Variants in STK32B observed in about 807,000 individuals in gnomAD.
STK32B encodes the protein serine/threonine-protein kinase 32B.
A neutral mutation model predicts 52.6 loss-of-function variants in STK32B; 43 were observed. The ratio of observed to expected loss-of-function variants is 0.82; its 90% CI spans 0.64 to 1.05. The LOEUF (loss-of-function observed/expected upper bound fraction) is 1.05, where lower values mean the gene tolerates loss of function less well. Ranked by LOEUF, STK32B falls within the 50% of genes least tolerant of loss-of-function variation. The probability of loss-of-function intolerance (pLI) is 0.00; values close to 1 mark genes in which losing one functional copy is unlikely to be tolerated. For synonymous variants in STK32B, 238 were observed against 204.3 expected (o/e 1.17, Z -1.41); for missense variants, 621 against 534.6 (o/e 1.16, Z -1.59).
intron 3 of STK32B, among the ~76,000 whole-genome samples, chr4:5,299,746 C>T (rs897902772): frequency 1.3e-5 from 2 of 152,012 alleles, no homozygotes; most frequent in African/African-American, 4.8e-5. Flanking sequence ...TTTAGTTATC[C>T]ATTCTTTTTT....
chr4:5,249,505 C>CCTTCCTT (rs1725760881), intron 3 of STK32B, among the ~76,000 whole-genome samples: 1 of 115,994 alleles, frequency 8.6e-6, no homozygotes, highest in African/African-American at 3.9e-5. Context: ...CTTCCTTCCT[C>CCTTCCTT]CCTCCCTTCC....
chr4:5,175,784 A>T (rs1451826370), intron 3 of STK32B, among the ~76,000 whole-genome samples: 1 of 152,182 alleles, frequency 6.6e-6, no homozygotes, highest in East Asian at 1.9e-4. Context: ...GCCTGTGCTC[A>T]TATCTCCAGC....
chr4:5,486,413 C>T lies in STK32B; in HGVS notation c.1107-12532C>T, dbSNP rs543229447. ...GGCGCGGGATGTAATTGCTGGTGTG[C>T]CGTTTGCTAAGACCGTTGTAAAAGC... On this transcript the variant is annotated intron_variant, in intron 11 of 11. Coordinates refer to ENST00000282908, the MANE Select transcript of STK32B (RefSeq NM_018401.3). Among the ~76,000 whole-genome samples the T allele has an allele frequency of 1.3e-4, 20 of 152,308 alleles. 1 individual carries two copies. In the South Asian group the frequency reaches 4.1e-3, roughly 32 times the overall value.
Position 5,412,445 on chromosome 4 carries a change from G to A in STK32B, c.473-4400G>A, listed in dbSNP as rs182750044. ...GAAGTGGAATCCTGCTGTCTGTCGTGCAGGGTGTTGCCCACTGTACCTGAA... is the reference window on the plus strand; with the variant it reads ...GAAGTGGAATCCTGCTGTCTGTCGTACAGGGTGTTGCCCACTGTACCTGAA... On this transcript the variant is annotated intron_variant, in intron 5 of 11. Coordinates refer to ENST00000282908, the MANE Select transcript of STK32B (RefSeq NM_018401.3). 3.1e-4 allele frequency among the ~76,000 whole-genome samples: 47 copies of A among 152,298 alleles called. No individual in the cohort carries two copies. In the East Asian group the frequency reaches 3.5e-3, roughly 11 times the overall value.
intron 4 of STK32B, among the ~76,000 whole-genome samples, chr4:5,367,252 A>G (rs953068652): frequency 2.0e-5 from 3 of 152,136 alleles, no homozygotes; most frequent in African/African-American, 4.8e-5. Flanking sequence ...TGGAAATACC[A>G]CAGGGCAGCT....
chr4:5,155,019 CCT>C (rs1194837731), intron 2 of STK32B, among the ~76,000 whole-genome samples: 16 of 152,318 alleles, frequency 1.1e-4, no homozygotes, highest in Non-Finnish European at 2.9e-5. Context: ...TGCTTTCTAT[CCT>C]CTCTGTCTTC....
the STK32B span, among the ~76,000 whole-genome samples, chr4:5,028,714 T>A: frequency 6.6e-6 from 1 of 152,024 alleles, no homozygotes; most frequent in Non-Finnish European, 1.5e-5. Context: ...GGACTAGGAG[T>A]TGTTTGTTAC....
the STK32B span, among the ~76,000 whole-genome samples, chr4:5,045,268 C>T: frequency 6.6e-6 from 1 of 152,238 alleles, no homozygotes; most frequent in Non-Finnish European, 1.5e-5. Context: ...ATTCTAGCCT[C>T]TGTGGCCCCC....
intron 1 of STK32B, 92 bp downstream of exon 1, chr4:5,052,007 C>G: frequency 6.5e-7 from 1 of 1,529,644 alleles, no homozygotes; most frequent in Non-Finnish European, 8.8e-7. Flanking sequence ...CGCATGCTGC[C>G]CGGCGCGGGG....
Position 5,051,609 on chromosome 4 carries a change from G to T in STK32B, c.-255G>T. On this transcript the variant is annotated 5_prime_UTR_variant, in exon 1 of 12. Coordinates refer to ENST00000282908, the MANE Select transcript of STK32B (RefSeq NM_018401.3). The stretch of plus-strand genomic sequence containing the variant: ...CGGGCGGGCACTGGAGTAAGGAGCT[G>T]CGAGCGCAGCCCGAGGCGGGGCACG... 2.0e-6 allele frequency: 1 copy of T among 497,512 alleles called. No individual in the cohort carries two copies. Among genetic ancestry groups the T allele is most frequent in the South Asian group, 2.8e-5 (1 of 35,378 alleles). The allele number at this position is 497,512 out of a possible 1,614,324, so 30.8% of individuals were successfully genotyped here.
At chr4:5,196,053 G>C (rs983712309) in intron 3 of STK32B, among the ~76,000 whole-genome samples, 3 of 152,216 alleles carry the variant, frequency 2.0e-5, no homozygotes, top group African/African-American at 7.2e-5. Context: ...TTAAAATGGA[G>C]ATTGACAGGG....
intron 3 of STK32B, among the ~76,000 whole-genome samples, chr4:5,180,463 G>C (rs1720267494): frequency 6.6e-6 from 1 of 152,152 alleles, no homozygotes; most frequent in African/African-American, 2.4e-5. Flanking sequence ...ATGAAGCCAG[G>C]CTGTCTGGCT....
Position 5,460,756 on chromosome 4 carries a change from C to T in STK32B, c.909+528C>T, listed in dbSNP as rs1342799967. The stretch of plus-strand genomic sequence containing the variant: ...AGGCAAAGGGATCGACAAGATCACA[C>T]TCTTGAAGGCAGCAGAAAGCCTGGG... On this transcript the variant is annotated intron_variant, in intron 9 of 11. Transcript: ENST00000282908. The surrounding 1 kb of genome is among the most constrained non-coding windows in gnomAD (Gnocchi z 4.8). 6.6e-6 allele frequency among the ~76,000 whole-genome samples: 1 copy of T among 152,292 alleles called. No individual in the cohort carries two copies. The highest frequency in any genetic ancestry group is 6.5e-5 in the Admixed American group (1 of 15,298).
At chr4:5,440,201 G>GCCATTTTCACGATATTGATTCTTCCTAC (rs1479998090) in intron 6 of STK32B, among the ~76,000 whole-genome samples, 1 of 152,118 alleles carries the variant, frequency 6.6e-6, no homozygotes, top group Non-Finnish European at 1.5e-5. Context: ...GGGCAGTATG[G>GCCATTTTCACGATATTGATTCTTCCTAC]CCATTTTCAC....
chr4:5,313,548 A>G (rs1730456192), intron 3 of STK32B, among the ~76,000 whole-genome samples: 1 of 152,166 alleles, frequency 6.6e-6, no homozygotes, highest in African/African-American at 2.4e-5. Flanking sequence ...ATAGATTAGA[A>G]AAGAGAAAAT....
the STK32B span, among the ~76,000 whole-genome samples, chr4:5,045,263 A>T: frequency 6.6e-6 from 1 of 152,100 alleles, no homozygotes; most frequent in Non-Finnish European, 1.5e-5. Flanking sequence ...CACACATTCT[A>T]GCCTCTGTGG....
At chr4:5,329,381 C>T (rs186829754) in intron 3 of STK32B, among the ~76,000 whole-genome samples, 346 of 152,282 alleles carry the variant, frequency 2.3e-3, no homozygotes, top group Non-Finnish European at 3.4e-3. Flanking sequence ...GTGGGTACTG[C>T]GCCATGATCC....
chr4:5,456,539 A>G (rs1307991597), intron 7 of STK32B, among the ~76,000 whole-genome samples: 1 of 152,194 alleles, frequency 6.6e-6, no homozygotes, highest in Non-Finnish European at 1.5e-5. Context: ...TGCCTCTGGC[A>G]TTTGTGGGCT....
intron 1 of STK32B, among the ~76,000 whole-genome samples, chr4:5,121,921 C>G (rs969401019): frequency 6.6e-6 from 1 of 152,188 alleles, no homozygotes; most frequent in Non-Finnish European, 1.5e-5. Flanking sequence ...GAGAACACAG[C>G]CCAGGCCTGT....
Sources: gnomAD v4.1 joint callset for allele counts (sites outside exome capture counted in the v4.1 genomes callset) on GRCh38, gnomAD v4.1.1 for gene constraint, Gnocchi (gnomAD v3.1) non-coding constraint, MANE v1.5 for transcripts, NCBI Gene and HGNC (gene_info 2026-07-23, HGNC 2026-07-21) for gene names.